Variants in SREBF2 observed in about 807,000 individuals in gnomAD.
SREBF2 encodes sterol regulatory element-binding protein 2.
Under a neutral mutation model 113.1 loss-of-function variants are expected in SREBF2, and 55 were observed. The observed-to-expected ratio is 0.49, with a 90% CI of 0.39 to 0.61. The LOEUF is 0.61. Ranked by LOEUF, SREBF2 falls within the 20% of genes least tolerant of loss-of-function variation. The pLI is 0.00. For missense variants in SREBF2, 1,349 were observed against 1,487.4 expected, an observed-to-expected ratio of 0.91 and a Z score of 1.53; for synonymous variants, 593 against 605.7, an observed-to-expected ratio of 0.98 and a Z score of 0.31.
At position 41,906,182 on chromosome 22, in the gene SREBF2, T is replaced by TCTGCGTTCCCTCCCCTGGGC. The variant is rs1389995295; in HGVS notation, c.*526_*545dup. On this transcript the variant is annotated 3_prime_UTR_variant, in exon 19 of 19. Coordinates refer to ENST00000361204, the MANE Select transcript of SREBF2 (RefSeq NM_004599.4). ...GTAGCGTCTTGATTCTCTCCCTGGGTCTGCGTTCCCTCCCCTGGGCCTGAC... is the reference window on the plus strand; with the variant it reads ...GTAGCGTCTTGATTCTCTCCCTGGGTCTGCGTTCCCTCCCCTGGGCCTGCGTTCCCTCCCCTGGGCCTGAC... 28 of 360,880 alleles carry TCTGCGTTCCCTCCCCTGGGC rather than the reference T, an allele frequency of 7.8e-5. No individual in the cohort carries two copies. The East Asian group carries it at 1.9e-3, about 25-fold the overall frequency. The allele number at this position is 360,880 out of a possible 1,614,324, so 22.4% of individuals were successfully genotyped here.
intron 14 of SREBF2, among the ~76,000 whole-genome samples, chr22:41,897,682 C>T (rs143500918): frequency 6.6e-6 from 1 of 152,356 alleles, no homozygotes; most frequent in Admixed American, 6.5e-5. Flanking sequence ...AGCACATCAG[C>T]TGCCAACTCT....
At position 41,866,925 on chromosome 22, in the gene SREBF2, T is replaced by TAGCAGCAGCGGCAGCAGTGGCAGC. The variant is rs747110517; in HGVS notation, c.193_216dup (p.Gly65_Ser72dup). On this transcript the variant is annotated inframe_insertion, in exon 2 of 19. Transcript: ENST00000361204. ...CCTTTCCTGGCAGTGGTGGTAGTGG[T>TAGCAGCAGCGGCAGCAGTGGCAGC]AGCAGCAGCGGCAGCAGTGGCAGCA... 7.6e-5 allele frequency: 123 copies of TAGCAGCAGCGGCAGCAGTGGCAGC among 1,613,916 alleles called. 1 individual carries two copies. Among genetic ancestry groups the TAGCAGCAGCGGCAGCAGTGGCAGC allele is most frequent in the African/African-American group, 7.5e-4 (56 of 75,028 alleles).
At chr22:41,868,813 C>T (rs2077112197) in intron 3 of SREBF2, 21 bp downstream of exon 3, 1 of 1,591,550 alleles carries the variant, frequency 6.3e-7, no homozygotes, top group Non-Finnish European at 8.6e-7. Flanking sequence ...GGAAAGGATT[C>T]AGGGAGGCAC....
intron 12 of SREBF2, among the ~76,000 whole-genome samples, chr22:41,894,322 G>T (rs2077391115): frequency 6.6e-6 from 1 of 152,146 alleles, no homozygotes; most frequent in African/African-American, 2.4e-5. Flanking sequence ...GCATTGCAAG[G>T]CCCCGTGTCT....
intron 1 of SREBF2, among the ~76,000 whole-genome samples, chr22:41,856,344 G>GTCTCAAACT (rs2076977741): frequency 6.6e-6 from 1 of 151,834 alleles, no homozygotes; most frequent in Admixed American, 6.6e-5. Flanking sequence ...GCCCAAGCTG[G>GTCTCAAACT]TCTCAAACTC....
At chr22:41,892,435 G>A (rs1336799178) in intron 11 of SREBF2, among the ~76,000 whole-genome samples, 1 of 152,076 alleles carries the variant, frequency 6.6e-6, no homozygotes, top group Admixed American at 6.5e-5. Context: ...GGATCACGAG[G>A]TCAAGAGATC....
intron 1 of SREBF2, among the ~76,000 whole-genome samples, chr22:41,850,526 C>T (rs9607851): frequency 4.8e-4 from 73 of 151,908 alleles, no homozygotes; most frequent in Non-Finnish European, 9.0e-4. Flanking sequence ...GTTGTCACTC[C>T]GAGTCTGTCT....
intron 15 of SREBF2, 137 bp from the exon 16 acceptor site, chr22:41,900,193 C>T (rs2077453105): frequency 6.5e-7 from 1 of 1,527,068 alleles, no homozygotes; most frequent in Non-Finnish European, 8.8e-7. Context: ...GGCATGGTGC[C>T]ATAGTGGCAG....
At chr22:41,862,048 A>G (rs898272144) in intron 1 of SREBF2, among the ~76,000 whole-genome samples, 7 of 152,218 alleles carry the variant, frequency 4.6e-5, no homozygotes, top group African/African-American at 1.4e-4. Context: ...AATACCTGTT[A>G]AAGGATTATT....
At chr22:41,862,031 G>T (rs2077032067) in intron 1 of SREBF2, among the ~76,000 whole-genome samples, 1 of 151,370 alleles carries the variant, frequency 6.6e-6, no homozygotes, top group African/African-American at 2.5e-5. Context: ...AATAGGGCTG[G>T]GTAACAAATA....
intron 1 of SREBF2, among the ~76,000 whole-genome samples, chr22:41,837,903 T>C (rs1390608936): frequency 6.6e-6 from 1 of 151,892 alleles, no homozygotes; most frequent in Non-Finnish European, 1.5e-5. Context: ...ACCCAGATTT[T>C]TATATGTTGG....
At chr22:41,901,455 G>A (rs1336917800) in intron 16 of SREBF2, among the ~76,000 whole-genome samples, 2 of 152,212 alleles carry the variant, frequency 1.3e-5, no homozygotes, top group African/African-American at 4.8e-5. Context: ...GAGGTCAGGA[G>A]TTCGAGACCA....
chr22:41,896,358 TG>T lies in SREBF2; in HGVS notation c.2496-693del, dbSNP rs1569409197. 4.6e-5 allele frequency among the ~76,000 whole-genome samples: 7 copies of T among 152,210 alleles called. No homozygotes were observed. The South Asian group carries it at 1.5e-3, about 32-fold the overall frequency. On this transcript the variant is annotated intron_variant, in intron 13 of 18. Coordinates refer to ENST00000361204, the MANE Select transcript of SREBF2 (RefSeq NM_004599.4). ...ACTTTTGTTTTTTGTTATTTTTGTTTGTTTTTTGGGGGGTTTTTTGAGACAG... is the reference window on the plus strand; with the variant it reads ...ACTTTTGTTTTTTGTTATTTTTGTTTTTTTTTGGGGGGTTTTTTGAGACAG...
chr22:41,888,705 C>T (rs948986368), intron 11 of SREBF2, among the ~76,000 whole-genome samples: 1 of 152,200 alleles, frequency 6.6e-6, no homozygotes, highest in African/African-American at 2.4e-5. Flanking sequence ...CCATTGTCTT[C>T]ATGCACCTCC....
At chr22:41,850,243 A>T (rs1280032809) in intron 1 of SREBF2, among the ~76,000 whole-genome samples, 2 of 152,076 alleles carry the variant, frequency 1.3e-5, no homozygotes, top group African/African-American at 4.8e-5. Flanking sequence ...AGGGCAGGAG[A>T]TCAAGACCAT....
At position 41,859,525 on chromosome 22, in the gene SREBF2, T is replaced by C. The variant is rs367718094; in HGVS notation, c.89-7306T>C. 7.2e-5 allele frequency among the ~76,000 whole-genome samples: 11 copies of C among 152,322 alleles called. No individual in the cohort carries two copies. The South Asian group carries it at 1.0e-3, about 14-fold the overall frequency. On this transcript the variant is annotated intron_variant, in intron 1 of 18. Transcript: ENST00000361204. ...ATAAGCAAATGCAAAATTTATATTA[T>C]GCTCAGATTGTTTCTGGATGTATCT... is the stretch of plus-strand genomic sequence containing the variant.
At chr22:41,842,986 G>A (rs143689567) in intron 1 of SREBF2, among the ~76,000 whole-genome samples, 265 of 148,410 alleles carry the variant, frequency 1.8e-3, no homozygotes, top group African/African-American at 6.5e-3. Flanking sequence ...CGAGACGTCC[G>A]TCTCAAAAAA....
chr22:41,903,183 G>T, intron 17 of SREBF2, 28 bp downstream of exon 17: 1 of 1,545,996 alleles, frequency 6.5e-7, no homozygotes. Flanking sequence ...GGTGGGGCAG[G>T]GCAGATTGGA....
chr22:41,888,214 C>T (rs1331074891), intron 11 of SREBF2, among the ~76,000 whole-genome samples: 1 of 152,148 alleles, frequency 6.6e-6, no homozygotes, highest in African/African-American at 2.4e-5. Flanking sequence ...TTTGTCCTAC[C>T]TCAAAGTCAT....
Sources: allele counts gnomAD v4.1 joint callset (sites outside exome capture counted in the v4.1 genomes callset), GRCh38; gene constraint gnomAD v4.1.1; transcripts MANE v1.5; gene names NCBI Gene and HGNC (gene_info 2026-07-23, HGNC 2026-07-21).